The following FRAS1 variants were observed in gnomAD, a reference collection of about 807,000 sequenced individuals.
The protein encoded by FRAS1 is extracellular matrix organizing protein FRAS1.
FRAS1 carries 290 observed loss-of-function variants against 435.2 expected under a neutral mutation model. That is an observed-to-expected ratio of 0.67 (90% CI 0.61 to 0.73). The LOEUF (loss-of-function observed/expected upper bound fraction) is 0.73. Among genes scored for constraint, FRAS1 ranks in the 30% least tolerant of loss-of-function variants. FRAS1 has a pLI of 0.00. For missense variants in FRAS1, 4,860 were observed against 5,001.5 expected, an observed-to-expected ratio of 0.97 and a Z score of 0.85; for synonymous variants, 1,800 against 1,851.0, an observed-to-expected ratio of 0.97 and a Z score of 0.71.
intron 40 of FRAS1, among the ~76,000 whole-genome samples, chr4:78,440,869 G>A (rs562306139): frequency 6.6e-6 from 1 of 152,252 alleles, no homozygotes; most frequent in African/African-American, 2.4e-5. Context: ...AACCGAGGTG[G>A]GTGATTAGAA....
At chr4:78,516,132 A>T (rs1721202799) in intron 66 of FRAS1, 119 bp downstream of exon 66, 1 of 715,048 alleles carries the variant, frequency 1.4e-6, no homozygotes, top group Non-Finnish European at 2.3e-6. Context: ...CAACTAAGGG[A>T]GTCTTCTTTA....
intron 2 of FRAS1, among the ~76,000 whole-genome samples, chr4:78,088,039 G>C (rs1365875241): frequency 6.6e-6 from 1 of 151,780 alleles, no homozygotes; most frequent in Non-Finnish European, 1.5e-5. Flanking sequence ...TACAAGGCTG[G>C]TACTGGTACG....
chr4:78,470,498 C>G (rs1463956455), intron 51 of FRAS1, among the ~76,000 whole-genome samples: 1 of 152,074 alleles, frequency 6.6e-6, no homozygotes, highest in Non-Finnish European at 1.5e-5. Context: ...AGAAATTCAT[C>G]AATATACAGT....
intron 45 of FRAS1, among the ~76,000 whole-genome samples, chr4:78,451,098 C>G (rs1162093147): frequency 6.6e-6 from 1 of 151,876 alleles, no homozygotes; most frequent in Non-Finnish European, 1.5e-5. Context: ...GAAAGTAATT[C>G]CTTAATTATT....
chr4:78,317,291 C>T, intron 16 of FRAS1, 77 bp from the exon 17 acceptor site: 1 of 1,541,286 alleles, frequency 6.5e-7, no homozygotes, highest in Non-Finnish European at 8.9e-7. Flanking sequence ...AGTCCCAGGC[C>T]CGTGAAGCCC....
intron 2 of FRAS1, among the ~76,000 whole-genome samples, chr4:78,194,932 A>C (rs1321920656): frequency 6.6e-6 from 1 of 151,848 alleles, no homozygotes; most frequent in East Asian, 1.9e-4. Flanking sequence ...GATGGTGGTG[A>C]TGTACAGATG....
In FRAS1 at chr4:78,387,363, T is replaced by G. The variant is rs556800423; in HGVS notation, c.3649-12T>G. ...CCCTCTTAACTGACTCTTCTTCCCT[T>G]CAACTCCACAGGCCCCCTATGTGCT... On this transcript the variant is annotated splice_polypyrimidine_tract_variant and intron_variant, in intron 28 of 73. Coordinates refer to ENST00000512123, the MANE Select transcript of FRAS1 (RefSeq NM_025074.7). 4 of 1,584,794 alleles carry G rather than the reference T, an allele frequency of 2.5e-6. No individual in the cohort carries two copies. Among genetic ancestry groups the G allele is most frequent in the Middle Eastern group, 1.7e-4 (1 of 5,910 alleles).
At position 78,448,207 on chromosome 4, in the gene FRAS1, C is replaced by T. The variant is rs555381212; in HGVS notation, c.6165C>T (p.Ser2055=). 1.2e-6 allele frequency: 2 copies of T among 1,613,462 alleles called. No homozygotes were observed. Among genetic ancestry groups the T allele is most frequent in the Admixed American group, 3.3e-5 (2 of 59,948 alleles). Residue 2055 remains serine, a synonymous_variant, in exon 44 of 74, where the codon TCC becomes TCT. Coordinates refer to ENST00000512123, the MANE Select transcript of FRAS1 (RefSeq NM_025074.7). ...TGGTCGTGGATGAGTTCCAGTTCTC[C>T]CTCACTGATGGCCTCCACGTGGACA... is the stretch of plus-strand genomic sequence containing the variant. ...PGMVVDEFQF[S]LTDGLHVDTG...
chr4:78,511,054 G>C (rs1041239557), intron 63 of FRAS1, among the ~76,000 whole-genome samples: 3 of 152,180 alleles, frequency 2.0e-5, no homozygotes, highest in African/African-American at 7.2e-5. Context: ...CTACTTGCTT[G>C]TTGACTATCT....
At chr4:78,171,872 T>G (rs1721576130) in intron 2 of FRAS1, among the ~76,000 whole-genome samples, 1 of 152,100 alleles carries the variant, frequency 6.6e-6, no homozygotes. Context: ...ACCCGGCCCT[T>G]AAGAGCACCA....
chr4:78,167,123 G>C (rs781107921), intron 2 of FRAS1, among the ~76,000 whole-genome samples: 3 of 152,166 alleles, frequency 2.0e-5, no homozygotes, highest in Non-Finnish European at 4.4e-5. Flanking sequence ...ACATTGGCTT[G>C]AAAAATCAAG....
In FRAS1 at chr4:78,372,797, G is replaced by C; in HGVS notation, c.2949G>C (p.Gln983His). Reference protein sequence around the residue: ...CLQCMDGYVLQDGACVEQCLS... With the variant: ...CLQCMDGYVLHDGACVEQCLS... Reference sequence around the variant, plus strand: ...AGTGCATGGATGGCTATGTTCTCCAGGATGGGGCCTGCGTGGAGCAGTGCT... The same window carrying C: ...AGTGCATGGATGGCTATGTTCTCCACGATGGGGCCTGCGTGGAGCAGTGCT... Residue 983 changes from glutamine to histidine, a missense_variant, in exon 24 of 74, where the codon CAG (glutamine) becomes CAC (histidine). Transcript: ENST00000512123. 6.2e-7 allele frequency: 1 copy of C among 1,613,208 alleles called. No individual in the cohort carries two copies. The highest frequency in any genetic ancestry group is 8.5e-7 in the Non-Finnish European group (1 of 1,179,712).
At chr4:78,306,072 T>A (rs1728697072) in intron 14 of FRAS1, among the ~76,000 whole-genome samples, 1 of 152,158 alleles carries the variant, frequency 6.6e-6, no homozygotes, top group African/African-American at 2.4e-5. Flanking sequence ...TGACAAAATC[T>A]CTCAGCATTT....
At position 78,282,808 on chromosome 4, in the gene FRAS1, T is replaced by G. The variant is rs150372637; in HGVS notation, c.1108-12T>G. 2.9e-4 allele frequency: 475 copies of G among 1,613,096 alleles called. 3 individuals carry two copies. The African/African-American group carries it at 5.8e-3, about 20-fold the overall frequency. On this transcript the variant is annotated splice_polypyrimidine_tract_variant and intron_variant, in intron 11 of 73. Coordinates refer to ENST00000512123, the MANE Select transcript of FRAS1 (RefSeq NM_025074.7). ...TCCTGATGACAATGCTGTTCTTCACTTTTTTGCGTAGGAGGGAGAGAAGTG... is the reference window on the plus strand; with the variant it reads ...TCCTGATGACAATGCTGTTCTTCACGTTTTTGCGTAGGAGGGAGAGAAGTG...
At chr4:78,232,241 A>G (rs1724545558) in intron 2 of FRAS1, among the ~76,000 whole-genome samples, 1 of 152,180 alleles carries the variant, frequency 6.6e-6, no homozygotes, top group Non-Finnish European at 1.5e-5. Flanking sequence ...ACTTAAAATT[A>G]ACCATAACAC....
chr4:78,283,916 G>A (rs1287940532), intron 12 of FRAS1, among the ~76,000 whole-genome samples: 1 of 152,120 alleles, frequency 6.6e-6, no homozygotes. Context: ...CCCAATTACT[G>A]AAAATGAGAT....
chr4:78,083,709 G>A (rs967266025), intron 2 of FRAS1, among the ~76,000 whole-genome samples: 3 of 127,908 alleles, frequency 2.3e-5, no homozygotes, highest in Non-Finnish European at 4.7e-5. Context: ...TCTTTTTTGT[G>A]ATAACAGTGA....
intron 4 of FRAS1, among the ~76,000 whole-genome samples, chr4:78,246,460 G>A (rs1178880556): frequency 6.6e-6 from 1 of 152,020 alleles, no homozygotes; most frequent in Non-Finnish European, 1.5e-5. Context: ...ATGTGTTGCT[G>A]AAAGACATCC....
intron 2 of FRAS1, among the ~76,000 whole-genome samples, chr4:78,090,614 C>T (rs1262417680): frequency 6.6e-6 from 1 of 152,162 alleles, no homozygotes; most frequent in Non-Finnish European, 1.5e-5. Context: ...ACCATTAACT[C>T]ATCTGTGCTC....
Sources: gnomAD v4.1 joint callset for allele counts (sites outside exome capture counted in the v4.1 genomes callset) on GRCh38, gnomAD v4.1.1 for gene constraint, MANE v1.5 for transcripts, NCBI Gene and HGNC (gene_info 2026-07-23, HGNC 2026-07-21) for gene names.